MGAT5: variants seen among roughly 807,000 people sequenced by gnomAD.
MGAT5 encodes the protein alpha-1,6-mannosylglycoprotein 6-beta-N-acetylglucosaminyltransferase, also known as alpha-1,6-mannosylglycoprotein 6-beta-N-acetylglucosaminyltransferase A.
MGAT5 carries 30 observed loss-of-function variants against 94.3 expected under a neutral mutation model. The ratio of observed to expected loss-of-function variants is 0.32; its 90% CI spans 0.24 to 0.43. MGAT5 has a LOEUF of 0.43. MGAT5 is among the 20% of genes least tolerant of loss of function. The probability of loss-of-function intolerance (pLI) is 1.00; values close to 1 mark genes in which losing one functional copy is unlikely to be tolerated. For synonymous variants in MGAT5, 310 were observed against 322.9 expected, an observed-to-expected ratio of 0.96 and a Z score of 0.43; for missense variants, 691 against 905.5, an observed-to-expected ratio of 0.76 and a Z score of 3.04.
chr2:134,397,840 G>A (rs1349370751), intron 10 of MGAT5, among the ~76,000 whole-genome samples: 1 of 152,178 alleles, frequency 6.6e-6, no homozygotes, highest in East Asian at 1.9e-4. Flanking sequence ...GTAGTGGAGG[G>A]AGGTTTACAA....
At chr2:134,401,403 T>C (rs1439642811) in intron 10 of MGAT5, among the ~76,000 whole-genome samples, 1 of 152,180 alleles carries the variant, frequency 6.6e-6, no homozygotes, top group Non-Finnish European at 1.5e-5. Flanking sequence ...CTTGCCTTCC[T>C]GAGTCTGCTA....
intron 1 of MGAT5, among the ~76,000 whole-genome samples, chr2:134,152,080 A>T (rs1340303950): frequency 1.8e-5 from 2 of 110,000 alleles, no homozygotes; most frequent in African/African-American, 3.6e-5. Flanking sequence ...ATGGGACCTC[A>T]CTCACTCATC....
intron 1 of MGAT5, among the ~76,000 whole-genome samples, chr2:134,216,356 TG>T (rs1680498309): frequency 6.6e-6 from 1 of 152,212 alleles, no homozygotes; most frequent in African/African-American, 2.4e-5. Flanking sequence ...TTTCAGGTTT[TG>T]AGTGGGAAAT....
intron 1 of MGAT5, among the ~76,000 whole-genome samples, chr2:134,262,704 A>G (rs943952245): frequency 6.6e-5 from 10 of 152,218 alleles, no homozygotes; most frequent in Non-Finnish European, 1.0e-4. Context: ...ATTAAAATGC[A>G]TTCATTCCTA....
intron 15 of MGAT5, among the ~76,000 whole-genome samples, chr2:134,445,721 G>A (rs1177298589): frequency 6.6e-6 from 1 of 152,208 alleles, no homozygotes; most frequent in Non-Finnish European, 1.5e-5. Flanking sequence ...AAAGGAAGAT[G>A]GCACACTGCG....
chr2:134,350,580 C>T (rs1469449888), intron 9 of MGAT5, among the ~76,000 whole-genome samples: 1 of 152,112 alleles, frequency 6.6e-6, no homozygotes, highest in Non-Finnish European at 1.5e-5. Flanking sequence ...ATGCTAGGCT[C>T]TTAGACATTT....
intron 2 of MGAT5, among the ~76,000 whole-genome samples, chr2:134,309,542 T>C (rs1407190641): frequency 6.6e-6 from 1 of 152,218 alleles, no homozygotes; most frequent in Non-Finnish European, 1.5e-5. Flanking sequence ...GCTCTTGATT[T>C]CCATTTCCCT....
chr2:134,216,674 C>T (rs1360138350), intron 1 of MGAT5, among the ~76,000 whole-genome samples: 1 of 152,196 alleles, frequency 6.6e-6, no homozygotes, highest in African/African-American at 2.4e-5. Flanking sequence ...ACAGTTCACA[C>T]CTGACATAGG....
chr2:134,190,986 C>T (rs1386766043), intron 1 of MGAT5, among the ~76,000 whole-genome samples: 1 of 151,988 alleles, frequency 6.6e-6, no homozygotes, highest in South Asian at 2.1e-4. Context: ...CAGAATCTTG[C>T]CAAGTTGCCC....
intron 1 of MGAT5, among the ~76,000 whole-genome samples, chr2:134,189,602 G>GTTGTTGTTTTTTTTTTTTTTTTTTTT (rs1689232395): frequency 1.2e-5 from 1 of 84,672 alleles, no homozygotes; most frequent in African/African-American, 4.8e-5. Context: ...GTTTTTTTTT[G>GTTGTTGTTTTTTTTTTTTTTTTTTTT]TTTTTTTTTT....
At chr2:134,380,950 G>A (rs1381186328) in intron 10 of MGAT5, among the ~76,000 whole-genome samples, 1 of 152,188 alleles carries the variant, frequency 6.6e-6, no homozygotes, top group Admixed American at 6.5e-5. Flanking sequence ...CATACATAGT[G>A]CAGTGATATG....
At chr2:134,324,533 C>G (rs1166260749) in intron 4 of MGAT5, among the ~76,000 whole-genome samples, 1 of 151,968 alleles carries the variant, frequency 6.6e-6, no homozygotes, top group Non-Finnish European at 1.5e-5. Flanking sequence ...GATTAATGCC[C>G]AACAGGAAAG....
At chr2:134,431,550 C>T (rs537175932) in intron 14 of MGAT5, among the ~76,000 whole-genome samples, 2 of 152,202 alleles carry the variant, frequency 1.3e-5, no homozygotes, top group African/African-American at 4.8e-5. Context: ...TGCAGCTAGA[C>T]GAATATCTTC....
At chr2:134,226,968 AT>A (rs33946190) in intron 1 of MGAT5, among the ~76,000 whole-genome samples, 28,287 of 142,970 alleles carry the variant, frequency 0.2, 3,186 homozygotes, top group Non-Finnish European at 0.28. Flanking sequence ...AGATAGTCCT[AT>A]TTTTTTTTTT....
Position 134,336,960 on chromosome 2 carries a change from A to G in MGAT5, c.645+672A>G, listed in dbSNP as rs189398725. On this transcript the variant is annotated intron_variant, in intron 5 of 15. Coordinates refer to ENST00000281923, the MANE Select transcript of MGAT5 (RefSeq NM_002410.5). Reference sequence around the variant, plus strand: ...AACTTCTACAAAATACCCAGATAGTAAATAGTTTCATCTTTGCAGGCCATA... The same window carrying G: ...AACTTCTACAAAATACCCAGATAGTGAATAGTTTCATCTTTGCAGGCCATA... Among the ~76,000 whole-genome samples, 226 of 152,328 alleles carry G rather than the reference A, an allele frequency of 1.5e-3. 1 individual carries two copies. The highest frequency in any genetic ancestry group is 3.4e-3 in the Middle Eastern group (1 of 294).
At chr2:134,134,676 A>G (rs1487985445) in intron 1 of MGAT5, among the ~76,000 whole-genome samples, 1 of 152,022 alleles carries the variant, frequency 6.6e-6, no homozygotes, top group Non-Finnish European at 1.5e-5. Flanking sequence ...CTACAATGTT[A>G]TTGGGGGCAT....
intron 1 of MGAT5, among the ~76,000 whole-genome samples, chr2:134,166,192 A>G (rs1349727684): frequency 6.6e-6 from 1 of 152,228 alleles, no homozygotes; most frequent in Non-Finnish European, 1.5e-5. Flanking sequence ...ATGATCGCAG[A>G]GACAGTTGAG....
chr2:134,310,935 C>T (rs1310811085), intron 2 of MGAT5, among the ~76,000 whole-genome samples: 2 of 152,212 alleles, frequency 1.3e-5, no homozygotes, highest in African/African-American at 2.4e-5. Flanking sequence ...AGCAGCCAGG[C>T]CAGTGGCACG....
chr2:134,200,471 C>T (rs1181227057), intron 1 of MGAT5, among the ~76,000 whole-genome samples: 1 of 152,212 alleles, frequency 6.6e-6, no homozygotes, highest in African/African-American at 2.4e-5. Context: ...TGTTACAAGT[C>T]TCTTTTTCTT....
Sources: allele counts gnomAD v4.1 joint callset (sites outside exome capture counted in the v4.1 genomes callset), GRCh38; gene constraint gnomAD v4.1.1; transcripts MANE v1.5; gene names NCBI Gene and HGNC (gene_info 2026-07-23, HGNC 2026-07-21).